The following KCNA3 variants were observed in gnomAD, a reference collection of about 807,000 sequenced individuals.
KCNA3 encodes the protein potassium voltage-gated channel subfamily A member 3.
A neutral mutation model predicts 34.3 loss-of-function variants in KCNA3; 18 were observed. That is an observed-to-expected ratio of 0.52 (90% CI 0.36 to 0.78). KCNA3 has a LOEUF of 0.78. Among genes scored for constraint, KCNA3 ranks in the 30% least tolerant of loss-of-function variants. The pLI is 0.00. For missense variants in KCNA3, 587 were observed against 802.5 expected (o/e 0.73, Z 3.24); for synonymous variants, 324 against 351.7 (o/e 0.92, Z 0.88).
chr1:110,672,909 A>G lies in KCNA3; in HGVS notation c.*173T>C. The G allele has an allele frequency of 1.6e-6, 1 of 644,142 alleles. No individual in the cohort carries two copies. The allele number at this position is 644,142 out of a possible 1,614,324, so 39.9% of individuals were successfully genotyped here. A position where few individuals can be genotyped will look rare whatever the true frequency, so the allele number is the denominator to read the frequency against. ...AGAGAATGCAGCCCACTTGCAAAAC[A>G]GGCACCTGTTTCAGTATGAAGCAGC... On this transcript the variant is annotated 3_prime_UTR_variant, in exon 1 of 1. Coordinates refer to ENST00000369769, the MANE Select transcript of KCNA3 (RefSeq NM_002232.5).
Position 110,674,896 on chromosome 1 carries a change from C to T in KCNA3, c.-87G>A, listed in dbSNP as rs1652037015. ...TCGCCGCCTCCGCCCCCGAGCCGAGCCCACCGCCTGTTGCAGCCAAAGCCG... is the reference window on the plus strand; with the variant it reads ...TCGCCGCCTCCGCCCCCGAGCCGAGTCCACCGCCTGTTGCAGCCAAAGCCG... On this transcript the variant is annotated 5_prime_UTR_variant, in exon 1 of 1. Transcript: ENST00000369769. The surrounding 1 kb of genome is among the most constrained non-coding windows in gnomAD (Gnocchi z 6.4). The T allele has an allele frequency of 7.9e-7, 1 of 1,267,618 alleles. No homozygotes were observed. Among genetic ancestry groups the T allele is most frequent in the Non-Finnish European group, 9.9e-7 (1 of 1,009,086 alleles). 78.5% of individuals were successfully genotyped at this position (1,267,618 alleles called of 1,614,324 possible).
At chr1:110,671,783 T>C (rs930994498), downstream of KCNA3, among the ~76,000 whole-genome samples, 1 of 152,242 alleles carries the variant, frequency 6.6e-6, no homozygotes, top group African/African-American at 2.4e-5. Context: ...CATTTGCTTT[T>C]AAATTTCATT....
At chr1:110,668,828 G>A (rs891918743), downstream of KCNA3, among the ~76,000 whole-genome samples, 16 of 152,106 alleles carry the variant, frequency 1.1e-4, no homozygotes, top group Admixed American at 3.3e-4. Context: ...ACAGACATCC[G>A]TATATTTCTT....
downstream of KCNA3, among the ~76,000 whole-genome samples, chr1:110,668,391 T>C (rs574530801): frequency 5.9e-5 from 9 of 152,160 alleles, no homozygotes; most frequent in Non-Finnish European, 1.3e-4. Context: ...CAATAAGTTA[T>C]AGTTATGGTA....
chr1:110,655,415 T>C, the KCNA3 span: 37 of 152,206 alleles, frequency 2.4e-4, no homozygotes, highest in South Asian at 2.1e-4. Context: ...CCAGAAGAGA[T>C]ACTACTATGA....
Position 110,674,880 on chromosome 1 carries a change from C to T in KCNA3, c.-71G>A. ...CGCGCTCCCCGCCCTTTCGCCGCCT[C>T]CGCCCCCGAGCCGAGCCCACCGCCT... is the stretch of plus-strand genomic sequence containing the variant. On this transcript the variant is annotated 5_prime_UTR_variant, in exon 1 of 1. Coordinates refer to ENST00000369769, the MANE Select transcript of KCNA3 (RefSeq NM_002232.5). The surrounding 1 kb of genome is among the most constrained non-coding windows in gnomAD (Gnocchi z 6.4). 2.4e-6 allele frequency: 3 copies of T among 1,272,444 alleles called. No individual in the cohort carries two copies. The highest frequency in any genetic ancestry group is 3.0e-6 in the Non-Finnish European group (3 of 1,012,300). 78.8% of individuals were successfully genotyped at this position (1,272,444 alleles called of 1,614,324 possible).
chr1:110,663,523 G>A, the KCNA3 span, among the ~76,000 whole-genome samples: 1 of 152,212 alleles, frequency 6.6e-6, no homozygotes, highest in African/African-American at 2.4e-5. Flanking sequence ...AAAATGCAGG[G>A]AAAGGAGAAA....
Position 110,672,734 on chromosome 1 carries a change from T to TAAAC in KCNA3, c.*344_*347dup, listed in dbSNP as rs764318096. 141 of 204,226 alleles carry TAAAC rather than the reference T, an allele frequency of 6.9e-4. No individual in the cohort carries two copies. Among genetic ancestry groups the TAAAC allele is most frequent in the Middle Eastern group, 5.8e-3 (3 of 518 alleles). 12.7% of individuals were successfully genotyped at this position (204,226 alleles called of 1,614,324 possible). A position where few individuals can be genotyped will look rare whatever the true frequency, so the allele number is the denominator to read the frequency against. ...ACAACTGCCTTTAAAATTCTGAGGT[T>TAAAC]AAACAGTTACTCTAACTGTTCTTTA... On this transcript the variant is annotated 3_prime_UTR_variant, in exon 1 of 1. Transcript: ENST00000369769.
chr1:110,665,508 G>C, the KCNA3 span, among the ~76,000 whole-genome samples: 1 of 152,144 alleles, frequency 6.6e-6, no homozygotes, highest in Admixed American at 6.6e-5. Flanking sequence ...GGGCTAGAGA[G>C]GGGAGAAGGA....
At chr1:110,664,404 G>A in the KCNA3 span, among the ~76,000 whole-genome samples, 1 of 152,080 alleles carries the variant, frequency 6.6e-6, no homozygotes, top group Non-Finnish European at 1.5e-5. Flanking sequence ...CCCATAATTG[G>A]GTGGTGTAAT....
downstream of KCNA3, among the ~76,000 whole-genome samples, chr1:110,668,895 A>G (rs1193976537): frequency 6.6e-6 from 1 of 152,222 alleles, no homozygotes; most frequent in Non-Finnish European, 1.5e-5. Context: ...TGGCAAAGCC[A>G]GCTGGCATGT....
downstream of KCNA3, among the ~76,000 whole-genome samples, chr1:110,667,914 T>C (rs1176366402): frequency 6.6e-6 from 1 of 152,146 alleles, no homozygotes; most frequent in Admixed American, 6.5e-5. Flanking sequence ...GCAATGGCCA[T>C]TTTCTGGCAG....
chr1:110,660,952 A>G, the KCNA3 span, among the ~76,000 whole-genome samples: 1 of 152,210 alleles, frequency 6.6e-6, no homozygotes, highest in Non-Finnish European at 1.5e-5. Flanking sequence ...GGTACTCAGT[A>G]AATACATGTT....
At chr1:110,672,409 C>T (rs1651921775), downstream of KCNA3, 1 of 152,636 alleles carries the variant, frequency 6.6e-6, no homozygotes. Context: ...TAGTCTAATG[C>T]TTTAGAAATG....
chr1:110,673,306 C>G lies in KCNA3; in HGVS notation c.1504G>C (p.Val502Leu), dbSNP rs1212096331. 6.2e-7 allele frequency: 1 copy of G among 1,613,914 alleles called. No individual in the cohort carries two copies. The highest frequency in any genetic ancestry group is 1.3e-5 in the African/African-American group (1 of 74,932). ...EGEEQSQYMH[V>L]GSCQHLSSSA... Reference sequence around the variant, plus strand: ...GAGGAGAGGTGCTGGCAACTTCCCACGTGCATGTACTGGGATTGCTCTTCC... The same window carrying G: ...GAGGAGAGGTGCTGGCAACTTCCCAGGTGCATGTACTGGGATTGCTCTTCC... The change falls in exon 1 of 1, where the codon GTG becomes CTG. Residue 502 changes from valine to leucine, a missense_variant. Val to Leu is a conservative substitution (Grantham distance 32). This residue lies in a region of KCNA3 where 95 missense variants were observed against 107.3 expected (regional missense o/e 0.89). Coordinates refer to ENST00000369769, the MANE Select transcript of KCNA3 (RefSeq NM_002232.5). This position sits in a 1 kb window ranked among gnomAD's most constrained non-coding sequence, Gnocchi z 8.8.
chr1:110,659,158 C>G, the KCNA3 span, among the ~76,000 whole-genome samples: 1 of 142,104 alleles, frequency 7.0e-6, no homozygotes, highest in Non-Finnish European at 1.5e-5. Flanking sequence ...CATGATTAAA[C>G]ACAGTCCACT....
At chr1:110,667,379 A>C in the KCNA3 span, among the ~76,000 whole-genome samples, 1 of 152,284 alleles carries the variant, frequency 6.6e-6, no homozygotes, top group South Asian at 2.1e-4. Flanking sequence ...ACTGTAAGAG[A>C]AAAAGCTTCT....
chr1:110,664,525 A>G, the KCNA3 span, among the ~76,000 whole-genome samples: 3 of 152,188 alleles, frequency 2.0e-5, no homozygotes, highest in Non-Finnish European at 4.4e-5. Flanking sequence ...TGTAAGCCAC[A>G]TAGTGATTAA....
chr1:110,659,690 T>C, the KCNA3 span, among the ~76,000 whole-genome samples: 2 of 152,250 alleles, frequency 1.3e-5, no homozygotes, highest in South Asian at 2.1e-4. Context: ...CCAGCCCAAA[T>C]GTCCCCAATG....
Sources: gnomAD v4.1 joint callset for allele counts (sites outside exome capture counted in the v4.1 genomes callset) on GRCh38, gnomAD v4.1.1 for gene constraint, gnomAD v4.1.1 regional missense constraint, Gnocchi (gnomAD v3.1) non-coding constraint, MANE v1.5 for transcripts, NCBI Gene and HGNC (gene_info 2026-07-23, HGNC 2026-07-21) for gene names.